The following DPY19L3 variants were observed in gnomAD, a reference collection of about 807,000 sequenced individuals.
The protein encoded by DPY19L3 is protein C-mannosyl-transferase DPY19L3.
Under a neutral mutation model 92.3 loss-of-function variants are expected in DPY19L3, and 51 were observed. The ratio of observed to expected loss-of-function variants is 0.55; its 90% CI spans 0.44 to 0.70. The LOEUF is 0.70. Among genes scored for constraint, DPY19L3 ranks in the 30% least tolerant of loss-of-function variants. The probability of loss-of-function intolerance (pLI) is 0.00; values close to 1 mark genes in which losing one functional copy is unlikely to be tolerated. For missense variants in DPY19L3, 706 were observed against 855.9 expected, an observed-to-expected ratio of 0.82 and a Z score of 2.18; for synonymous variants, 309 against 315.2, an observed-to-expected ratio of 0.98 and a Z score of 0.21.
At chr19:32,418,469 A>T (rs1245521760) in intron 3 of DPY19L3, among the ~76,000 whole-genome samples, 1 of 152,242 alleles carries the variant, frequency 6.6e-6, no homozygotes, top group African/African-American at 2.4e-5. Context: ...GAAATGGGGT[A>T]GTACACTCGG....
At chr19:32,430,442 C>T (rs1968921911) in intron 3 of DPY19L3, among the ~76,000 whole-genome samples, 1 of 151,942 alleles carries the variant, frequency 6.6e-6, no homozygotes, top group African/African-American at 2.4e-5. Context: ...TTGATTTCCC[C>T]AGGATAAATT....
At chr19:32,431,634 T>G (rs1455801980) in intron 3 of DPY19L3, among the ~76,000 whole-genome samples, 2 of 152,208 alleles carry the variant, frequency 1.3e-5, no homozygotes, top group African/African-American at 4.8e-5. Flanking sequence ...AGGATTCAGG[T>G]GTAAAGATGA....
At chr19:32,423,775 G>A (rs1407302821) in intron 3 of DPY19L3, among the ~76,000 whole-genome samples, 1 of 152,012 alleles carries the variant, frequency 6.6e-6, no homozygotes, top group African/African-American at 2.4e-5. Flanking sequence ...AGCATTTTGG[G>A]AGGCCAAGGC....
At chr19:32,419,802 A>G (rs1242713270) in intron 3 of DPY19L3, among the ~76,000 whole-genome samples, 1 of 151,510 alleles carries the variant, frequency 6.6e-6, no homozygotes. Context: ...TTTCAATGCA[A>G]CCTACTTTTT....
At chr19:32,445,090 A>T (rs1969445875) in intron 8 of DPY19L3, among the ~76,000 whole-genome samples, 1 of 151,388 alleles carries the variant, frequency 6.6e-6, no homozygotes, top group Non-Finnish European at 1.5e-5. Context: ...AAAAAAAAAA[A>T]AACAAAAAAC....
At chr19:32,454,458 C>T (rs34814860) in intron 9 of DPY19L3, among the ~76,000 whole-genome samples, 11,812 of 152,128 alleles carry the variant, frequency 0.078, 684 homozygotes, top group East Asian at 0.3. Context: ...CCTGTAGTCC[C>T]AGCTACTCGG....
chr19:32,411,547 A>G, intron 3 of DPY19L3, 175 bp downstream of exon 3: 2 of 486,106 alleles, frequency 4.1e-6, no homozygotes, highest in Non-Finnish European at 6.8e-6. Flanking sequence ...ACATATTAGA[A>G]TCTTTTTTTA....
chr19:32,455,510 A>T (rs1423538582), intron 10 of DPY19L3, among the ~76,000 whole-genome samples: 1 of 152,180 alleles, frequency 6.6e-6, no homozygotes, highest in Non-Finnish European at 1.5e-5. Context: ...TAAATTTAAA[A>T]TTTTTATTTT....
At position 32,468,786 on chromosome 19, in the gene DPY19L3, A is replaced by G. The variant is rs1207456853; in HGVS notation, c.1670A>G (p.Asp557Gly). The G allele has an allele frequency of 1.2e-6, 2 of 1,613,832 alleles. No homozygotes were observed. Among genetic ancestry groups the G allele is most frequent in the Non-Finnish European group, 1.7e-6 (2 of 1,179,916 alleles). ...LSELREFYDP[D>G]TVELMNWINS... Reference sequence around the variant, plus strand: ...GAGTTGAGAGAATTCTATGATCCAGATACAGTGGAGCTGATGAACTGGATT... The same window carrying G: ...GAGTTGAGAGAATTCTATGATCCAGGTACAGTGGAGCTGATGAACTGGATT... The change falls in exon 16 of 19, where the codon GAT (aspartate) becomes GGT (glycine). Residue 557 changes from aspartate to glycine, a missense_variant. Coordinates refer to ENST00000392250, the MANE Select transcript of DPY19L3 (RefSeq NM_001172774.2).
rs555768834 is a variant in DPY19L3, at chr19:32,453,060, G to A, written c.856-85G>A. 13 of 1,461,982 alleles carry A rather than the reference G, an allele frequency of 8.9e-6. No homozygotes were observed. In the African/African-American group the frequency reaches 1.7e-4, roughly 19 times the overall value. The allele number at this position is 1,461,982 out of a possible 1,614,324, so 90.6% of individuals were successfully genotyped here. A position where few individuals can be genotyped will look rare whatever the true frequency, so the allele number is the denominator to read the frequency against. ...TTTTCTGCATTATTTGTAAGCTGAG[G>A]TGTATCCACCTCATGACCAACATGT... On this transcript the variant is annotated intron_variant, in intron 8 of 18. Transcript: ENST00000392250.
rs917249119 is a variant in DPY19L3, at chr19:32,445,372, C to T, written c.855+5462C>T. ...AGGAAAATGGCGTGAACCTGGGAGG[C>T]GGAGCTTGCAGTGAGTCTAGATCGC... On this transcript the variant is annotated intron_variant, in intron 8 of 18. Transcript: ENST00000392250. Among the ~76,000 whole-genome samples, 6 of 129,208 alleles carry T rather than the reference C, an allele frequency of 4.6e-5. No individual in the cohort carries two copies. In the East Asian group the frequency reaches 1.3e-3, roughly 28 times the overall value. 84.8% of individuals were successfully genotyped at this position (129,208 alleles called of 152,430 possible).
rs374961658 is a variant in DPY19L3, at chr19:32,477,548, T to C, written c.1724T>C (p.Phe575Ser). The change falls in exon 17 of 19, where the codon TTT (phenylalanine) becomes TCT (serine). Residue 575 changes from phenylalanine to serine, a missense_variant. Coordinates refer to ENST00000392250, the MANE Select transcript of DPY19L3 (RefSeq NM_001172774.2). ...TCTAACACTCCAAGAAAGGCTGTGT[T>C]TGCGGGAAGCATGCAGTTGCTGGCC... ...INSNTPRKAV[F>S]AGSMQLLAGV... 184 of 1,614,054 alleles carry C rather than the reference T, an allele frequency of 1.1e-4. No homozygotes were observed. The highest frequency in any genetic ancestry group is 1.4e-4 in the Non-Finnish European group (165 of 1,180,038).
intron 16 of DPY19L3, among the ~76,000 whole-genome samples, chr19:32,473,438 A>G (rs1970413261): frequency 6.6e-6 from 1 of 152,264 alleles, no homozygotes. Context: ...TGTATCAGGC[A>G]AGAGTGTCTG....
At chr19:32,460,699 G>A (rs547152962) in intron 12 of DPY19L3, among the ~76,000 whole-genome samples, 1 of 152,268 alleles carries the variant, frequency 6.6e-6, no homozygotes, top group Non-Finnish European at 1.5e-5. Context: ...AATCCACTGT[G>A]GTATGTGCGA....
intron 1 of DPY19L3, 139 bp downstream of exon 1, chr19:32,406,048 CGGCGTCGG>C (rs1015867310): frequency 1.3e-5 from 2 of 151,300 alleles, no homozygotes; most frequent in African/African-American, 2.4e-5. Context: ...GGCGCGGCCG[CGGCGTCGG>C]GGCGTCGGGA....
chr19:32,453,410 G>T (rs1267346702), intron 9 of DPY19L3, 134 bp downstream of exon 9: 2 of 887,560 alleles, frequency 2.3e-6, no homozygotes, highest in East Asian at 2.8e-5. Context: ...GTGGCATTGT[G>T]TGCTTTTTCT....
intron 2 of DPY19L3, among the ~76,000 whole-genome samples, chr19:32,409,175 C>T (rs537881610): frequency 6.6e-6 from 1 of 152,252 alleles, no homozygotes; most frequent in East Asian, 1.9e-4. Flanking sequence ...ACACCTTAAA[C>T]AATGCAAAGA....
rs553163168 is a variant in DPY19L3 at position 32,471,258 on chromosome 19, C to T, written c.1697+2445C>T. Reference sequence around the variant, plus strand: ...GGCTGTGTCTGAAAGAGTCCCAAGACGCCTGGCAGAGAACCAGCACTGTCC... The same window carrying T: ...GGCTGTGTCTGAAAGAGTCCCAAGATGCCTGGCAGAGAACCAGCACTGTCC... On this transcript the variant is annotated intron_variant, in intron 16 of 18. Transcript: ENST00000392250. Among the ~76,000 whole-genome samples the T allele has an allele frequency of 5.9e-5, 9 of 152,332 alleles. No homozygotes were observed. The South Asian group carries it at 1.0e-3, about 18-fold the overall frequency.
intron 8 of DPY19L3, among the ~76,000 whole-genome samples, chr19:32,441,136 C>T (rs1025777938): frequency 6.6e-6 from 1 of 152,164 alleles, no homozygotes; most frequent in Non-Finnish European, 1.5e-5. Flanking sequence ...TGCCTTTTCA[C>T]CAACATTTCT....
Sources: allele counts gnomAD v4.1 joint callset (sites outside exome capture counted in the v4.1 genomes callset), GRCh38; gene constraint gnomAD v4.1.1; transcripts MANE v1.5; gene names NCBI Gene and HGNC (gene_info 2026-07-23, HGNC 2026-07-21).